C4orf50: variants seen among roughly 807,000 people sequenced by gnomAD.
C4orf50 encodes uncharacterized protein C4orf50.
C4orf50 carries 80 observed loss-of-function variants against 77.2 expected under a neutral mutation model. The ratio of observed to expected loss-of-function variants is 1.04; its 90% CI spans 0.87 to 1.25. C4orf50 has a LOEUF of 1.25. Ranked by LOEUF, C4orf50 falls within the 50% of genes most tolerant of loss-of-function variation. C4orf50 has a pLI of 0.00. For missense variants in C4orf50, 1,257 were observed against 1,152.9 expected (o/e 1.09, Z -1.31); for synonymous variants, 532 against 465.3 (o/e 1.14, Z -1.84).
intron 33 of C4orf50, among the ~76,000 whole-genome samples, chr4:5,961,401 G>T (rs1019005908): frequency 6.6e-6 from 1 of 152,200 alleles, no homozygotes; most frequent in African/African-American, 2.4e-5. Context: ...TATAATATTG[G>T]CAGTTTCCTA....
intron 7 of C4orf50, chr4:5,904,457 G>A (rs557255047): frequency 9.8e-5 from 15 of 152,408 alleles, no homozygotes; most frequent in Admixed American, 3.3e-4. Flanking sequence ...AAGCAAGAAG[G>A]CTGGGTGTGG....
intron 23 of C4orf50, among the ~76,000 whole-genome samples, chr4:6,014,878 A>G (rs1034857082): frequency 6.6e-6 from 1 of 152,152 alleles, no homozygotes; most frequent in Admixed American, 6.5e-5. Context: ...ACTCGAGCCC[A>G]CATCCCCCCA....
intron 28 of C4orf50, among the ~76,000 whole-genome samples, chr4:5,981,228 G>C (rs1007161500): frequency 1.3e-4 from 19 of 151,980 alleles, no homozygotes; most frequent in Non-Finnish European, 2.1e-4. Flanking sequence ...TGAAAATGCT[G>C]TTATTAGTAT....
rs1716492684 is a variant in C4orf50 at position 5,905,090 on chromosome 4, C to T, written c.*2475-6902G>A. ...AAAACTGTCAAGTAGGCATATGACC[C>T]TCAAACAGACGAAGAAGAGGATGTT... On this transcript the variant is annotated intron_variant, in intron 7 of 7. Coordinates refer to the C4orf50 transcript ENST00000324058. This position sits in a 1 kb window ranked among gnomAD's most constrained non-coding sequence, Gnocchi z 5.4. 1 of 152,204 alleles carries T rather than the reference C, an allele frequency of 6.6e-6. No individual in the cohort carries two copies. Among genetic ancestry groups the T allele is most frequent in the African/African-American group, 2.4e-5 (1 of 41,448 alleles). The allele number at this position is 152,204 out of a possible 1,614,324, so 9.4% of individuals were successfully genotyped here.
intron 7 of C4orf50, among the ~76,000 whole-genome samples, chr4:5,928,440 A>G (rs1717619275): frequency 6.6e-6 from 1 of 152,118 alleles, no homozygotes; most frequent in African/African-American, 2.4e-5. Context: ...GTTCCAGGTC[A>G]CCAAGGGAGT....
In C4orf50 at chr4:6,007,370, C is replaced by T. The variant is rs1284599181; in HGVS notation, c.963+626G>A. Among the ~76,000 whole-genome samples, 5 of 151,884 alleles carry T rather than the reference C, an allele frequency of 3.3e-5. No individual in the cohort carries two copies. Among genetic ancestry groups the T allele is most frequent in the African/African-American group, 1.2e-4 (5 of 41,332 alleles). On this transcript the variant is annotated intron_variant, in intron 25 of 33. Coordinates refer to ENST00000531445, the Ensembl canonical transcript of C4orf50. The surrounding 1 kb of genome is among the most constrained non-coding windows in gnomAD (Gnocchi z 4.1). ...GAGGCTTCATGAATGGTATTAGTAC[C>T]CTTACTAATTAGTACCCCAGAAGGC...
chr4:6,016,942 G>T (rs557253718), intron 23 of C4orf50, among the ~76,000 whole-genome samples: 1 of 152,198 alleles, frequency 6.6e-6, no homozygotes, highest in Non-Finnish European at 1.5e-5. Context: ...TATGAGTAAC[G>T]TGTCAGAATC....
At chr4:5,995,344 C>T (rs1036136323) in intron 25 of C4orf50, among the ~76,000 whole-genome samples, 1 of 152,174 alleles carries the variant, frequency 6.6e-6, no homozygotes, top group Non-Finnish European at 1.5e-5. Context: ...CTGCCCGGTA[C>T]CTTGGCAGCG....
In C4orf50 at chr4:5,944,495, C is replaced by T. The variant is rs530784989; in HGVS notation, c.*2474+12406G>A. ...ATAGAAGGAGTGAGCGAGGGGGCAG[C>T]CCTCAGAGAGAAAACATGGTCCAGA... On this transcript the variant is annotated intron_variant, in intron 7 of 7. Transcript: ENST00000324058. Among the ~76,000 whole-genome samples the T allele has an allele frequency of 6.6e-5, 10 of 152,296 alleles. No homozygotes were observed. In the South Asian group the frequency reaches 2.1e-3, roughly 32 times the overall value.
chr4:5,977,852 A>T (rs962234306), intron 29 of C4orf50, among the ~76,000 whole-genome samples: 3 of 152,244 alleles, frequency 2.0e-5, no homozygotes, highest in African/African-American at 7.2e-5. Context: ...ATTTGCAATC[A>T]AAAAGTGAAC....
At position 5,966,088 on chromosome 4, in the gene C4orf50, C is replaced by T. The variant is rs149162515; in HGVS notation, c.4154-943G>A. 2.1e-3 allele frequency among the ~76,000 whole-genome samples: 318 copies of T among 152,344 alleles called. 1 individual carries two copies. Among genetic ancestry groups the T allele is most frequent in the Non-Finnish European group, 3.6e-3 (242 of 68,024 alleles). ...CGCTTAAACAAGGCCCAATCAAATA[C>T]CACCTGTTCCCCCAAAACTATTGAA... On this transcript the variant is annotated intron_variant, in intron 32 of 33. Coordinates refer to ENST00000531445, the Ensembl canonical transcript of C4orf50.
intron 7 of C4orf50, among the ~76,000 whole-genome samples, chr4:5,928,467 G>A (rs1416400494): frequency 6.6e-6 from 1 of 152,166 alleles, no homozygotes; most frequent in Admixed American, 6.5e-5. Flanking sequence ...AGCAGATGAT[G>A]AAAGACCTTT....
intron 7 of C4orf50, among the ~76,000 whole-genome samples, chr4:5,939,256 A>G (rs1718164948): frequency 1.3e-5 from 2 of 152,166 alleles, no homozygotes; most frequent in Non-Finnish European, 2.9e-5. Flanking sequence ...AAAAAAAGAA[A>G]GAAAGAAAGA....
intron 7 of C4orf50, among the ~76,000 whole-genome samples, chr4:5,950,490 C>A (rs1718669858): frequency 6.6e-6 from 1 of 152,100 alleles, no homozygotes; most frequent in African/African-American, 2.4e-5. Context: ...GTACTTTTGT[C>A]AAGGTTCGAA....
intron 7 of C4orf50, among the ~76,000 whole-genome samples, chr4:5,940,468 T>C (rs1296522391): frequency 1.3e-5 from 2 of 152,196 alleles, no homozygotes; most frequent in African/African-American, 2.4e-5. Flanking sequence ...GGCCTGAATA[T>C]AGTATTCCTG....
chr4:5,990,269 T>A, exon 28 of C4orf50: 5 of 1,215,238 alleles, frequency 4.1e-6, no homozygotes, highest in Non-Finnish European at 5.1e-6. Flanking sequence ...CCAGCCCCAT[T>A]CTCCAAGCTC....
chr4:5,993,983 G>C (rs141220393), intron 26 of C4orf50, among the ~76,000 whole-genome samples: 2 of 152,212 alleles, frequency 1.3e-5, no homozygotes, highest in Non-Finnish European at 1.5e-5. Context: ...CACCTGGGAA[G>C]TGGGGGGACA....
intron 33 of C4orf50, among the ~76,000 whole-genome samples, chr4:5,961,680 A>C (rs1719286002): frequency 6.6e-6 from 1 of 152,224 alleles, no homozygotes; most frequent in African/African-American, 2.4e-5. Flanking sequence ...TGACAGCTGA[A>C]CCCAGGGATG....
Position 5,980,443 on chromosome 4 carries a change from G to T in C4orf50, c.3700-105C>A, listed in dbSNP as rs923788881. The T allele has an allele frequency of 3.2e-4, 267 of 843,690 alleles. 2 individuals are homozygous for T. Among genetic ancestry groups the T allele is most frequent in the African/African-American group, 2.0e-3 (101 of 51,570 alleles). The allele number at this position is 843,690 out of a possible 1,614,324, so 52.3% of individuals were successfully genotyped here. A position where few individuals can be genotyped will look rare whatever the true frequency, so the allele number is the denominator to read the frequency against. On this transcript the variant is annotated intron_variant, in intron 28 of 33. Coordinates refer to ENST00000531445, the Ensembl canonical transcript of C4orf50. ...TCCCCACTCCGTAGTTTTTTTTTTTGTTGTTGTTGTTTTCCTGCTTATATT... is the reference window on the plus strand; with the variant it reads ...TCCCCACTCCGTAGTTTTTTTTTTTTTTGTTGTTGTTTTCCTGCTTATATT...
Sources: allele counts gnomAD v4.1 joint callset (sites outside exome capture counted in the v4.1 genomes callset), GRCh38; gene constraint gnomAD v4.1.1; non-coding constraint Gnocchi (gnomAD v3.1); transcripts MANE v1.5; gene names NCBI Gene and HGNC (gene_info 2026-07-23, HGNC 2026-07-21).